FER1L6: variants seen among roughly 807,000 people sequenced by gnomAD.
FER1L6 encodes the protein fer-1 like family member 6, also known as fer-1-like protein 6.
FER1L6 carries 177 observed loss-of-function variants against 219.2 expected under a neutral mutation model. The ratio of observed to expected loss-of-function variants is 0.81; its 90% CI spans 0.71 to 0.91. The LOEUF (loss-of-function observed/expected upper bound fraction) is 0.91, where lower values mean the gene tolerates loss of function less well. Ranked by LOEUF, FER1L6 falls within the 40% of genes least tolerant of loss-of-function variation. The probability of loss-of-function intolerance (pLI) is 0.00; values close to 1 mark genes in which losing one functional copy is unlikely to be tolerated. For missense variants in FER1L6, 2,153 were observed against 2,259.9 expected, an observed-to-expected ratio of 0.95 and a Z score of 0.96; for synonymous variants, 768 against 824.3, an observed-to-expected ratio of 0.93 and a Z score of 1.17.
intron 13 of FER1L6, chr8:124,004,381 T>C (rs746004286): frequency 3.3e-5 from 5 of 152,232 alleles, no homozygotes; most frequent in Non-Finnish European, 7.3e-5. Context: ...AGAATATTTC[T>C]TCCCCCATTT....
chr8:123,963,529 G>A, intron 3 of FER1L6, 131 bp downstream of exon 3: 3 of 986,384 alleles, frequency 3.0e-6, no homozygotes, highest in South Asian at 1.6e-5. Flanking sequence ...AAGGTCTAAG[G>A]CAGGAAGACT....
chr8:123,948,921 A>T (rs1344751605), intron 1 of FER1L6, among the ~76,000 whole-genome samples: 2 of 152,138 alleles, frequency 1.3e-5, no homozygotes, highest in Non-Finnish European at 2.9e-5. Context: ...ATTTGCAAAG[A>T]TGGCTGTGGA....
chr8:124,102,027 AG>A lies in FER1L6; in HGVS notation c.5125+693del, dbSNP rs1376328878. Among the ~76,000 whole-genome samples, 4 of 152,338 alleles carry A rather than the reference AG, an allele frequency of 2.6e-5. No homozygotes were observed. The East Asian group carries it at 7.7e-4, about 29-fold the overall frequency. On this transcript the variant is annotated intron_variant, in intron 38 of 40. Coordinates refer to ENST00000522917, the MANE Select transcript of FER1L6 (RefSeq NM_001039112.2). Reference sequence around the variant, plus strand: ...AGAAAGGAATGTCTAGGTTATGATAAGGGGTTGTGAAGACCAAGGTTTTTTC... The same window carrying A: ...AGAAAGGAATGTCTAGGTTATGATAAGGGTTGTGAAGACCAAGGTTTTTTC...
chr8:123,904,407 C>G (rs1318344025), intron 1 of FER1L6, among the ~76,000 whole-genome samples: 7 of 152,046 alleles, frequency 4.6e-5, no homozygotes, highest in African/African-American at 1.7e-4. Flanking sequence ...CCAGCCCCCA[C>G]TCCTAAATTC....
chr8:124,116,244 C>G (rs1823237821), intron 39 of FER1L6, among the ~76,000 whole-genome samples: 2 of 152,126 alleles, frequency 1.3e-5, no homozygotes, highest in South Asian at 4.1e-4. Flanking sequence ...ACTTTGTCAG[C>G]TAGCCAAAAA....
chr8:124,044,728 T>C (rs7003992), intron 20 of FER1L6, among the ~76,000 whole-genome samples: 127,813 of 151,846 alleles, frequency 0.84, 53,955 homozygotes, highest in Non-Finnish European at 0.87. Context: ...ATTAATGGAA[T>C]AGCTTCTGCC....
At position 123,867,713 on chromosome 8, in the gene FER1L6, G is replaced by T. The variant is rs138434945; in HGVS notation, c.-8+15528G>T. ...ACTCTCCTAAATGTTGGATGTTATT[G>T]CCCTTAATATTTGCACGTAGCTGTT... On this transcript the variant is annotated intron_variant, in intron 1 of 40. Transcript: ENST00000522917. 1.1e-4 allele frequency among the ~76,000 whole-genome samples: 16 copies of T among 152,278 alleles called. No homozygotes were observed. In the South Asian group the frequency reaches 3.3e-3, roughly 32 times the overall value.
intron 22 of FER1L6, among the ~76,000 whole-genome samples, chr8:124,055,446 T>C (rs1029570221): frequency 6.6e-6 from 1 of 152,186 alleles, no homozygotes; most frequent in Non-Finnish European, 1.5e-5. Flanking sequence ...AAGCCAGATT[T>C]CAACTGTTGG....
intron 29 of FER1L6, among the ~76,000 whole-genome samples, 184 bp from the exon 30 acceptor site, chr8:124,070,283 T>C (rs553302783): frequency 1.2e-4 from 19 of 152,200 alleles, no homozygotes; most frequent in Non-Finnish European, 2.5e-4. Context: ...CATTTCATAG[T>C]AGTAGTTTCA....
intron 18 of FER1L6, 91 bp downstream of exon 18, chr8:124,023,687 A>G: frequency 2.2e-6 from 3 of 1,355,868 alleles, no homozygotes; most frequent in Non-Finnish European, 3.0e-6. Context: ...GGCTCTGACC[A>G]TTCCCCAGTG....
intron 1 of FER1L6, among the ~76,000 whole-genome samples, chr8:123,871,366 G>GA (rs1816921755): frequency 2.0e-5 from 3 of 151,998 alleles, no homozygotes. Flanking sequence ...AGCTCTTCAG[G>GA]AAAAAACGGT....
chr8:123,974,614 C>T (rs1236049311), intron 7 of FER1L6, among the ~76,000 whole-genome samples: 2 of 130,324 alleles, frequency 1.5e-5, no homozygotes, highest in Admixed American at 8.9e-5. Context: ...CCAGCTTGGG[C>T]ATTACCATTG....
chr8:124,084,385 G>A (rs968088585), intron 33 of FER1L6, among the ~76,000 whole-genome samples: 5 of 152,024 alleles, frequency 3.3e-5, no homozygotes, highest in African/African-American at 1.2e-4. Context: ...TATGATCCTA[G>A]CTGTGGGTCT....
intron 15 of FER1L6, chr8:124,015,725 A>G (rs1158648134): frequency 6.6e-6 from 1 of 151,788 alleles, no homozygotes; most frequent in Non-Finnish European, 1.5e-5. Context: ...TAAAAGCTCA[A>G]TAACTTCTCT....
At position 124,070,675 on chromosome 8, in the gene FER1L6, A is replaced by C. The variant is rs1586666939; in HGVS notation, c.3966+77A>C. On this transcript the variant is annotated intron_variant, in intron 30 of 40. Transcript: ENST00000522917. ...AGCTATGACTCGATTCTGTTAATGG[A>C]ATTGTGGTGTGGGATGTGTGTAGGG... 1.6e-5 allele frequency: 21 copies of C among 1,328,792 alleles called. No individual in the cohort carries two copies. In the East Asian group the frequency reaches 5.2e-4, roughly 33 times the overall value. 82.3% of individuals were successfully genotyped at this position (1,328,792 alleles called of 1,614,324 possible).
intron 15 of FER1L6, chr8:124,016,026 C>T (rs966097104): frequency 1.3e-5 from 2 of 152,856 alleles, no homozygotes; most frequent in Non-Finnish European, 2.9e-5. Context: ...TGTCCATAGC[C>T]AGCAGACAGG....
intron 12 of FER1L6, among the ~76,000 whole-genome samples, chr8:123,996,142 A>C (rs542381339): frequency 7.2e-5 from 11 of 152,266 alleles, no homozygotes; most frequent in Admixed American, 1.3e-4. Context: ...CATTAGAAGA[A>C]ATGTCCTATA....
intron 1 of FER1L6, among the ~76,000 whole-genome samples, chr8:123,898,987 G>A (rs1242266930): frequency 1.2e-4 from 18 of 151,662 alleles, no homozygotes; most frequent in African/African-American, 2.4e-4. Flanking sequence ...TATCTTTTGC[G>A]TATAATGACG....
At chr8:123,929,965 T>TG in intron 1 of FER1L6, among the ~76,000 whole-genome samples, 1 of 117,556 alleles carries the variant, frequency 8.5e-6, no homozygotes, top group East Asian at 2.5e-4. Context: ...TAGATGGCAC[T>TG]GTTTTTTTTT....
Sources: gnomAD v4.1 joint callset for allele counts (sites outside exome capture counted in the v4.1 genomes callset) on GRCh38, gnomAD v4.1.1 for gene constraint, MANE v1.5 for transcripts, NCBI Gene and HGNC (gene_info 2026-07-23, HGNC 2026-07-21) for gene names.